UNC13C: variants seen among roughly 807,000 people sequenced by gnomAD.
UNC13C encodes protein unc-13 homolog C.
A neutral mutation model predicts 245.4 loss-of-function variants in UNC13C; 174 were observed. The observed-to-expected ratio is 0.71, with a 90% CI of 0.63 to 0.80. The LOEUF (loss-of-function observed/expected upper bound fraction) is 0.80. Among genes scored for constraint, UNC13C ranks in the 30% least tolerant of loss-of-function variants. The pLI is 0.00. For missense variants in UNC13C, 2,829 were observed against 2,602.9 expected, an observed-to-expected ratio of 1.09 and a Z score of -1.89; for synonymous variants, 992 against 895.1, an observed-to-expected ratio of 1.11 and a Z score of -1.93.
chr15:54,269,433 T>C (rs756414650), intron 10 of UNC13C, among the ~76,000 whole-genome samples: 8 of 152,134 alleles, frequency 5.3e-5, no homozygotes, highest in Non-Finnish European at 1.0e-4. Context: ...ATAGGGCATG[T>C]CAAAGAGAAT....
intron 4 of UNC13C, among the ~76,000 whole-genome samples, chr15:54,161,840 C>G (rs1033223731): frequency 1.3e-5 from 2 of 151,888 alleles, no homozygotes; most frequent in African/African-American, 4.8e-5. Flanking sequence ...CCCAGCTACT[C>G]GGGAGGCTGA....
intron 4 of UNC13C, among the ~76,000 whole-genome samples, chr15:54,159,229 T>A (rs944258124): frequency 6.6e-6 from 1 of 152,242 alleles, no homozygotes; most frequent in Non-Finnish European, 1.5e-5. Flanking sequence ...CGAGTAAACA[T>A]GCTGATTCAA....
At chr15:54,306,590 A>G (rs1017364972) in intron 13 of UNC13C, among the ~76,000 whole-genome samples, 5 of 151,936 alleles carry the variant, frequency 3.3e-5, no homozygotes, top group Non-Finnish European at 5.9e-5. Context: ...GGGGAATTCT[A>G]TATCAGTCAT....
intron 2 of UNC13C, among the ~76,000 whole-genome samples, chr15:54,058,395 T>C (rs1007030913): frequency 1.3e-5 from 2 of 152,080 alleles, no homozygotes; most frequent in Non-Finnish European, 2.9e-5. Flanking sequence ...ACATACACTC[T>C]CCCAAGACTA....
Position 54,013,826 on chromosome 15 carries a change from A to G in UNC13C, c.923A>G (p.Tyr308Cys), listed in dbSNP as rs1011016106. 4 of 1,612,614 alleles carry G rather than the reference A, an allele frequency of 2.5e-6. No homozygotes were observed. The highest frequency in any genetic ancestry group is 3.4e-6 in the Non-Finnish European group (4 of 1,179,466). ...AGGGAAACTAGAGACATCCATGATT[A>G]TATTAAGCACTTAGGTCATATGGGT... ...SRRETRDIHD[Y>C]IKHLGHMGSK... Residue 308 changes from tyrosine to cysteine, a missense_variant, in exon 2 of 33, where the codon TAT becomes TGT. Physicochemically the swap from Tyr to Cys is radical, Grantham distance 194 (BLOSUM62 -2). Coordinates refer to ENST00000260323, the MANE Select transcript of UNC13C (RefSeq NM_001080534.3).
intron 19 of UNC13C, among the ~76,000 whole-genome samples, chr15:54,430,048 G>A (rs1364555509): frequency 1.3e-5 from 2 of 151,398 alleles, no homozygotes; most frequent in Non-Finnish European, 3.0e-5. Flanking sequence ...TATAACTATC[G>A]CTTATTTTTT....
At chr15:54,518,759 G>A (rs1039446771) in intron 24 of UNC13C, among the ~76,000 whole-genome samples, 4 of 152,074 alleles carry the variant, frequency 2.6e-5, no homozygotes, top group Admixed American at 6.6e-5. Flanking sequence ...TATTCACATC[G>A]CTGAGCAGTG....
At chr15:54,343,205 C>T (rs898701130) in intron 17 of UNC13C, among the ~76,000 whole-genome samples, 1 of 151,404 alleles carries the variant, frequency 6.6e-6, no homozygotes, top group African/African-American at 2.4e-5. Context: ...GCAATCTCGG[C>T]TCACTGCAAA....
chr15:54,275,793 A>G (rs1005409357), intron 10 of UNC13C, among the ~76,000 whole-genome samples: 3 of 152,144 alleles, frequency 2.0e-5, no homozygotes, highest in Non-Finnish European at 4.4e-5. Flanking sequence ...GTGTCCATAC[A>G]AAGACTTGTA....
chr15:54,356,815 TA>T (rs1289435349), intron 17 of UNC13C, among the ~76,000 whole-genome samples: 7 of 152,196 alleles, frequency 4.6e-5, no homozygotes, highest in African/African-American at 1.7e-4. Context: ...TTGATAGATA[TA>T]AAAAATTATT....
chr15:53,921,850 G>A, the UNC13C span, among the ~76,000 whole-genome samples: 6 of 152,298 alleles, frequency 3.9e-5, no homozygotes, highest in Admixed American at 3.9e-4. Flanking sequence ...AACCGGAATG[G>A]ACTTTAAGGG....
chr15:54,526,954 C>T (rs1160697560), intron 25 of UNC13C, among the ~76,000 whole-genome samples: 1 of 152,100 alleles, frequency 6.6e-6, no homozygotes, highest in African/African-American at 2.4e-5. Context: ...GAAGAATAAT[C>T]TCCCACTTAG....
At chr15:54,390,202 G>T (rs1414971113) in intron 17 of UNC13C, among the ~76,000 whole-genome samples, 2 of 152,116 alleles carry the variant, frequency 1.3e-5, no homozygotes, top group Non-Finnish European at 2.9e-5. Context: ...GATATCATTT[G>T]TTATTTCAAT....
At chr15:54,507,326 C>G (rs1894518464) in intron 23 of UNC13C, 132 bp downstream of exon 23, 1 of 624,292 alleles carries the variant, frequency 1.6e-6, no homozygotes. Context: ...TCTTAAGAAG[C>G]TGGAAACTTC....
intron 19 of UNC13C, among the ~76,000 whole-genome samples, chr15:54,491,499 A>G (rs2141082779): frequency 6.6e-6 from 1 of 152,314 alleles, no homozygotes; most frequent in East Asian, 1.9e-4. Context: ...GATTGGTAAT[A>G]TTTTTGTTTT....
chr15:54,450,321 T>C (rs1483129488), intron 19 of UNC13C, among the ~76,000 whole-genome samples: 1 of 152,262 alleles, frequency 6.6e-6, no homozygotes. Flanking sequence ...CATTTAAGTC[T>C]GCACAGGTTT....
intron 24 of UNC13C, among the ~76,000 whole-genome samples, chr15:54,520,237 A>G (rs1895157159): frequency 6.6e-6 from 1 of 152,220 alleles, no homozygotes; most frequent in African/African-American, 2.4e-5. Context: ...GATATCACCA[A>G]TCATATTTGG....
chr15:54,367,953 A>G lies in UNC13C; in HGVS notation c.4714-25095A>G, dbSNP rs553617491. ...GCTAGTGGCTACTGTATTGGAAAAC[A>G]TAACTCTGGAACTCAGAACAAATGG... On this transcript the variant is annotated intron_variant, in intron 17 of 32. Transcript: ENST00000260323. 2.6e-5 allele frequency among the ~76,000 whole-genome samples: 4 copies of G among 152,250 alleles called. No homozygotes were observed. In the East Asian group the frequency reaches 7.7e-4, roughly 29 times the overall value.
At chr15:53,903,042 A>T in the UNC13C span, among the ~76,000 whole-genome samples, 15 of 152,310 alleles carry the variant, frequency 9.8e-5, no homozygotes, top group African/African-American at 3.4e-4. Flanking sequence ...TTGGATTTTG[A>T]TCCTGTTTGA....
Sources: allele counts gnomAD v4.1 joint callset (sites outside exome capture counted in the v4.1 genomes callset), GRCh38; gene constraint gnomAD v4.1.1; transcripts MANE v1.5; gene names NCBI Gene and HGNC (gene_info 2026-07-23, HGNC 2026-07-21).